CRLS1: variants seen among roughly 807,000 people sequenced by gnomAD.
CRLS1 encodes cardiolipin synthase 1, also known as cardiolipin synthase (CMP-forming).
In CRLS1, 24 loss-of-function variants were observed where a neutral mutation model predicts 37.0. That is an observed-to-expected ratio of 0.65 (90% CI 0.47 to 0.91). CRLS1 has a LOEUF of 0.91. Among genes scored for constraint, CRLS1 ranks in the 40% least tolerant of loss-of-function variants. CRLS1 has a pLI of 0.00. For missense variants in CRLS1, 373 were observed against 395.8 expected (o/e 0.94, Z 0.49); for synonymous variants, 135 against 159.7 (o/e 0.85, Z 1.17).
At chr20:6,012,030 G>T (rs1460702226) in intron 2 of CRLS1, among the ~76,000 whole-genome samples, 9 of 147,772 alleles carry the variant, frequency 6.1e-5, no homozygotes, top group African/African-American at 1.7e-4. Context: ...TGTCTGCTAC[G>T]TTTTTTTTTT....
chr20:6,021,063 ATCTTTTTT>A (rs1367306524), intron 3 of CRLS1, among the ~76,000 whole-genome samples: 2 of 113,030 alleles, frequency 1.8e-5, no homozygotes, highest in Admixed American at 9.2e-5. Context: ...TTTGTTTTGT[ATCTTTTTT>A]TTTTTTTTTT....
intron 3 of CRLS1, among the ~76,000 whole-genome samples, chr20:6,022,969 T>C (rs934212882): frequency 1.3e-5 from 2 of 152,234 alleles, no homozygotes; most frequent in African/African-American, 4.8e-5. Flanking sequence ...AGCTCCATTC[T>C]GGCTGTACTA....
At chr20:6,006,070 C>G (rs1001600414), upstream of CRLS1, 5 of 377,174 alleles carry the variant, frequency 1.3e-5, no homozygotes, top group African/African-American at 6.3e-5. Flanking sequence ...GGCGTCCGCC[C>G]TTGGCGGCTT....
chr20:6,033,427 C>T (rs765006273), intron 5 of CRLS1, among the ~76,000 whole-genome samples: 4 of 152,116 alleles, frequency 2.6e-5, no homozygotes, highest in Non-Finnish European at 4.4e-5. Flanking sequence ...TGAGCCACTG[C>T]GCCTGGCTAT....
intron 3 of CRLS1, 157 bp from the exon 4 acceptor site, chr20:6,031,128 A>G (rs1980131262): frequency 4.1e-6 from 2 of 492,344 alleles, no homozygotes; most frequent in Middle Eastern, 5.2e-4. Context: ...GTAGTTTGCT[A>G]TAGGGGACCC....
At chr20:6,006,605 C>A in intron 1 of CRLS1, 53 bp downstream of exon 1, 1 of 1,243,396 alleles carries the variant, frequency 8.0e-7, no homozygotes, top group South Asian at 3.4e-5. Context: ...GTCGCCGCCC[C>A]TGCACTCAGG....
intron 3 of CRLS1, among the ~76,000 whole-genome samples, chr20:6,022,838 ATGT>A (rs1375495852): frequency 1.3e-5 from 2 of 151,960 alleles, no homozygotes; most frequent in East Asian, 3.9e-4. Flanking sequence ...ATCTCTTTAA[ATGT>A]TGTTGTTGTG....
In CRLS1 at chr20:6,007,436, T is replaced by G. The variant is rs371108489; in HGVS notation, c.306+884T>G. On this transcript the variant is annotated intron_variant, in intron 1 of 6. Transcript: ENST00000378863. ...GTTATCTGGTTGAGTAATCTGAGAT[T>G]AGCTCTCCTAACATTAACTTTGAAA... is the stretch of plus-strand genomic sequence containing the variant. 3 of 1,610,138 alleles carry G rather than the reference T, an allele frequency of 1.9e-6. No homozygotes were observed. In the African/African-American group the frequency reaches 4.0e-5, roughly 22 times the overall value.
rs918184731 is a variant in CRLS1 at position 6,020,627 on chromosome 20, C to CT, written c.574+5150dup. On this transcript the variant is annotated intron_variant, in intron 3 of 6. Transcript: ENST00000378863. ...CTATTAGATCAAGTTTTTAATCCTG[C>CT]TTTTTTTTTTTTTGAGACGGAGTCT... 5.2e-3 allele frequency among the ~76,000 whole-genome samples: 738 copies of CT among 142,226 alleles called. 2 individuals carry two copies. The highest frequency in any genetic ancestry group is 0.012 in the African/African-American group (480 of 39,026). The allele number at this position is 142,226 out of a possible 152,430, so 93.3% of individuals were successfully genotyped here.
chr20:6,022,183 T>C (rs965690021), intron 3 of CRLS1, among the ~76,000 whole-genome samples: 1 of 152,230 alleles, frequency 6.6e-6, no homozygotes, highest in African/African-American at 2.4e-5. Context: ...TCTTTTTCTC[T>C]GAAAATGTTT....
chr20:6,028,088 C>G (rs1358041647), intron 3 of CRLS1, among the ~76,000 whole-genome samples: 1 of 152,204 alleles, frequency 6.6e-6, no homozygotes, highest in Non-Finnish European at 1.5e-5. Flanking sequence ...TGCAGTCTTG[C>G]ATGTTCCTAC....
rs1980753928 is a variant in CRLS1, at chr20:6,038,800, G to A, written c.*1642G>A. ...TAACGCTTATTTATGGTTTAGTGTT[G>A]ATGCCATTTGGAGTGACCTATGGGT... On this transcript the variant is annotated 3_prime_UTR_variant, in exon 7 of 7. Transcript: ENST00000378863. The A allele has an allele frequency of 6.6e-6, 1 of 152,206 alleles. No homozygotes were observed. The highest frequency in any genetic ancestry group is 1.5e-5 in the Non-Finnish European group (1 of 68,020). 9.4% of individuals were successfully genotyped at this position (152,206 alleles called of 1,614,324 possible). A position where few individuals can be genotyped will look rare whatever the true frequency, so the allele number is the denominator to read the frequency against.
At chr20:6,007,271 A>T in intron 1 of CRLS1, 1 of 1,550,608 alleles carries the variant, frequency 6.4e-7, no homozygotes, top group Non-Finnish European at 8.7e-7. Context: ...GCATGGGTTG[A>T]GGTGGCCAGA....
chr20:6,037,203 T>C lies in CRLS1; in HGVS notation c.*45T>C, dbSNP rs767311963. ...TTAGTAAGGAAGCAGTATACATCAA[T>C]GGGAACAGGGCCCATGGAAATGTAC... is the stretch of plus-strand genomic sequence containing the variant. On this transcript the variant is annotated 3_prime_UTR_variant, in exon 7 of 7. Coordinates refer to ENST00000378863, the MANE Select transcript of CRLS1 (RefSeq NM_019095.6). The C allele has an allele frequency of 1.4e-6, 2 of 1,406,564 alleles. No homozygotes were observed. The highest frequency in any genetic ancestry group is 2.3e-5 in the South Asian group (2 of 85,478). 87.1% of individuals were successfully genotyped at this position (1,406,564 alleles called of 1,614,324 possible). A position where few individuals can be genotyped will look rare whatever the true frequency, so the allele number is the denominator to read the frequency against.
intron 2 of CRLS1, among the ~76,000 whole-genome samples, chr20:6,014,270 A>C (rs1600356426): frequency 6.6e-6 from 1 of 152,206 alleles, no homozygotes; most frequent in Non-Finnish European, 1.5e-5. Flanking sequence ...TCACACAGCT[A>C]CTAAGTGGCA....
At position 6,037,112 on chromosome 20, in the gene CRLS1, G is replaced by C; in HGVS notation, c.860G>C (p.Ser287Thr). 6.2e-7 allele frequency: 1 copy of C among 1,613,578 alleles called. No homozygotes were observed. The highest frequency in any genetic ancestry group is 8.5e-7 in the Non-Finnish European group (1 of 1,179,834). The change falls in exon 7 of 7, where the codon AGT (serine) becomes ACT (threonine). Residue 287 changes from serine to threonine, a missense_variant. Physicochemically the swap from Ser to Thr is moderately conservative, Grantham distance 58. Transcript: ENST00000378863. ...TTCACCACAGCTGCATCAGCTTATAGTTACTATCATTATGGCCGGAAGACT... is the reference window on the plus strand; with the variant it reads ...TTCACCACAGCTGCATCAGCTTATACTTACTATCATTATGGCCGGAAGACT... ...TAFTTAASAY[S>T]YYHYGRKTVQ... is the part of the protein sequence containing the mutation.
intron 2 of CRLS1, 139 bp from the exon 3 acceptor site, chr20:6,015,222 T>G: frequency 2.1e-6 from 1 of 484,538 alleles, no homozygotes. Flanking sequence ...ATGAGAATGT[T>G]TGGGGGTAAG....
At position 6,037,457 on chromosome 20, in the gene CRLS1, A is replaced by G. The variant is rs1253503254; in HGVS notation, c.*299A>G. ...TGTCAGTCTTTTTTGTATGTTTTTT[A>G]AAAACATAGTCCAGAGCATGGGCAG... On this transcript the variant is annotated 3_prime_UTR_variant, in exon 7 of 7. Transcript: ENST00000378863. The G allele has an allele frequency of 1.0e-5, 2 of 195,872 alleles. No individual in the cohort carries two copies. Among genetic ancestry groups the G allele is most frequent in the Non-Finnish European group, 2.1e-5 (2 of 97,296 alleles). The allele number at this position is 195,872 out of a possible 1,614,324, so 12.1% of individuals were successfully genotyped here. A position where few individuals can be genotyped will look rare whatever the true frequency, so the allele number is the denominator to read the frequency against.
Position 6,006,494 on chromosome 20 carries a change from C to T in CRLS1, c.248C>T (p.Ala83Val). 6 of 1,365,372 alleles carry T rather than the reference C, an allele frequency of 4.4e-6. No individual in the cohort carries two copies. The highest frequency in any genetic ancestry group is 1.8e-5 in the South Asian group (1 of 56,808). The allele number at this position is 1,365,372 out of a possible 1,614,324, so 84.6% of individuals were successfully genotyped here. A position where few individuals can be genotyped will look rare whatever the true frequency, so the allele number is the denominator to read the frequency against. Residue 83 changes from alanine (A) to valine (V), a missense_variant, in exon 1 of 7, where the codon GCG becomes GTG. By Grantham distance (64) the Ala-to-Val change is moderately conservative (BLOSUM62 0). Coordinates refer to ENST00000378863, the MANE Select transcript of CRLS1 (RefSeq NM_019095.6). ...GKAAPRPAAG[A>V]GAAAEAPGGQ... ...GCGGCTCCCAGGCCAGCGGCCGGAGCGGGCGCCGCTGCCGAAGCCCCGGGC... is the reference window on the plus strand; with the variant it reads ...GCGGCTCCCAGGCCAGCGGCCGGAGTGGGCGCCGCTGCCGAAGCCCCGGGC...
Sources: allele counts gnomAD v4.1 joint callset (sites outside exome capture counted in the v4.1 genomes callset), GRCh38; gene constraint gnomAD v4.1.1; transcripts MANE v1.5; gene names NCBI Gene and HGNC (gene_info 2026-07-23, HGNC 2026-07-21).